Variants in OTUD7B observed in about 807,000 individuals in gnomAD.
OTUD7B encodes OTU deubiquitinase 7B, also known as OTU domain-containing protein 7B.
Under a neutral mutation model 82.2 loss-of-function variants are expected in OTUD7B, and 34 were observed. The ratio of observed to expected loss-of-function variants is 0.41; its 90% confidence interval spans 0.31 to 0.55. OTUD7B has a LOEUF of 0.55. OTUD7B is among the 20% of genes least tolerant of loss of function. The probability of loss-of-function intolerance (pLI) is 0.20; values close to 1 mark genes in which losing one functional copy is unlikely to be tolerated. For missense variants in OTUD7B, 944 were observed against 1,062.1 expected, an observed-to-expected ratio of 0.89 and a Z score of 1.55; for synonymous variants, 398 against 402.7, an observed-to-expected ratio of 0.99 and a Z score of 0.14.
At chr1:150,058,949 C>T in the OTUD7B span, among the ~76,000 whole-genome samples, 2 of 151,792 alleles carry the variant, frequency 1.3e-5, no homozygotes, top group Non-Finnish European at 2.9e-5. Flanking sequence ...ACAAAATATA[C>T]CAAATCTGTG....
chr1:150,026,693 C>T, the OTUD7B span, among the ~76,000 whole-genome samples: 6 of 151,958 alleles, frequency 3.9e-5, no homozygotes, highest in East Asian at 1.9e-4. Context: ...AGTTGAGATA[C>T]GGTGACAGCA....
upstream of OTUD7B, among the ~76,000 whole-genome samples, chr1:150,011,099 ACT>A (rs201176722): frequency 5.7e-3 from 871 of 152,212 alleles, 6 homozygotes; most frequent in African/African-American, 0.019. Flanking sequence ...CATTCTAGTA[ACT>A]CTACACAATC....
the OTUD7B span, among the ~76,000 whole-genome samples, chr1:150,023,559 C>T: frequency 1.3e-5 from 2 of 152,070 alleles, no homozygotes; most frequent in Non-Finnish European, 2.9e-5. Flanking sequence ...TATAATCTCA[C>T]TTATATGTGG....
At chr1:150,063,846 G>A in the OTUD7B span, among the ~76,000 whole-genome samples, 1 of 152,142 alleles carries the variant, frequency 6.6e-6, no homozygotes, top group Non-Finnish European at 1.5e-5. Context: ...TTGATTTGAG[G>A]CTGCGTAGAC....
the OTUD7B span, among the ~76,000 whole-genome samples, chr1:150,021,984 C>T: frequency 0.1 from 15,650 of 152,122 alleles, 1,021 homozygotes; most frequent in African/African-American, 0.18. Flanking sequence ...CTAAACTCTC[C>T]CTTTCTCTCT....
At chr1:150,007,485 T>C (rs1239937124) in intron 1 of OTUD7B, among the ~76,000 whole-genome samples, 1 of 152,216 alleles carries the variant, frequency 6.6e-6, no homozygotes, top group Non-Finnish European at 1.5e-5. Flanking sequence ...CTTTTGTCTA[T>C]ATGTTGTTTC....
Position 149,939,380 on chromosome 1 carries a change from C to T in OTUD7B, c.*4477G>A, listed in dbSNP as rs2092747660. On this transcript the variant is annotated 3_prime_UTR_variant, in exon 12 of 12. Coordinates refer to ENST00000581312, the MANE Select transcript of OTUD7B (RefSeq NM_020205.4). The stretch of plus-strand genomic sequence containing the variant: ...CAAGAGATGGCACAGAGAAAGTCTA[C>T]ATGGGGACATCGTAATATTTTGTTA... The T allele has an allele frequency of 6.6e-6, 1 of 152,218 alleles. No individual in the cohort carries two copies. The highest frequency in any genetic ancestry group is 6.5e-5 in the Admixed American group (1 of 15,282). 9.4% of individuals were successfully genotyped at this position (152,218 alleles called of 1,614,324 possible). A position where few individuals can be genotyped will look rare whatever the true frequency, so the allele number is the denominator to read the frequency against.
intron 1 of OTUD7B, among the ~76,000 whole-genome samples, chr1:150,003,233 G>C (rs1248187426): frequency 2.9e-5 from 4 of 139,250 alleles, no homozygotes; most frequent in Non-Finnish European, 4.6e-5. Flanking sequence ...CTGGGTGACA[G>C]AGCAAGACTC....
rs370419766 is a variant in OTUD7B at position 149,944,011 on chromosome 1, C to T, written c.2378G>A (p.Arg793Gln). 2.0e-4 allele frequency: 327 copies of T among 1,614,078 alleles called. No homozygotes were observed. Among genetic ancestry groups the T allele is most frequent in the Non-Finnish European group, 2.5e-4 (294 of 1,180,038 alleles). Residue 793 changes from arginine to glutamine, a missense_variant, in exon 12 of 12, where the codon CGG becomes CAG. This residue lies in a region of OTUD7B where 412 missense variants were observed against 418.7 expected (regional missense o/e 0.98). Transcript: ENST00000581312. ...TTTGGTCTGAGTTGGGGGAAGGCCC[C>T]GGAGACCTCCAGCCCATCCATCTGG... ...PEPDGWAGGL[R>Q]GLPPTQTKCK...
the OTUD7B span, chr1:150,053,717 A>G: frequency 6.0e-6 from 1 of 166,958 alleles, no homozygotes; most frequent in Admixed American, 6.4e-5. Flanking sequence ...TTCCAAAAGA[A>G]GGCATATATG....
chr1:149,943,841 T>TAAA lies in OTUD7B; in HGVS notation c.*15_*16insTTT, dbSNP rs781888285. The TAAA allele has an allele frequency of 1.9e-6, 3 of 1,611,352 alleles. No individual in the cohort carries two copies. Among genetic ancestry groups the TAAA allele is most frequent in the Non-Finnish European group, 2.5e-6 (3 of 1,178,188 alleles). On this transcript the variant is annotated 3_prime_UTR_variant, in exon 12 of 12. Transcript: ENST00000581312. The stretch of plus-strand genomic sequence containing the variant: ...TAACTTTGTTTAGCCTCCTTGCCCT[T>TAAA]CAGTGTTCCACCCGTTCAGAACCTG...
chr1:150,008,831 A>G (rs1037697330), intron 1 of OTUD7B, among the ~76,000 whole-genome samples: 1 of 152,188 alleles, frequency 6.6e-6, no homozygotes, highest in East Asian at 1.9e-4. Flanking sequence ...TTACCTTCTT[A>G]ATTATTCCTA....
chr1:149,961,855 C>T (rs782507406), intron 6 of OTUD7B: 2 of 152,122 alleles, frequency 1.3e-5, no homozygotes, highest in African/African-American at 4.8e-5. Context: ...GGCAATGGTA[C>T]AAGCAATTTT....
At chr1:150,016,169 A>T in the OTUD7B span, among the ~76,000 whole-genome samples, 1 of 152,174 alleles carries the variant, frequency 6.6e-6, no homozygotes, top group African/African-American at 2.4e-5. Flanking sequence ...TTTTTGAGCC[A>T]TTTCAAATTT....
chr1:150,049,131 C>T, the OTUD7B span, among the ~76,000 whole-genome samples: 8 of 152,192 alleles, frequency 5.3e-5, no homozygotes, highest in Non-Finnish European at 1.2e-4. Flanking sequence ...AGCCACCATG[C>T]CCCGTCTACT....
intron 7 of OTUD7B, among the ~76,000 whole-genome samples, chr1:149,956,825 T>A (rs1271532581): frequency 7.9e-5 from 12 of 152,374 alleles, no homozygotes; most frequent in African/African-American, 2.4e-4. Context: ...CTTGATTGAA[T>A]CAGCTACTGA....
the OTUD7B span, among the ~76,000 whole-genome samples, chr1:150,032,519 T>C: frequency 6.8e-6 from 1 of 147,054 alleles, no homozygotes; most frequent in Non-Finnish European, 1.5e-5. Flanking sequence ...CCTGTAGTCC[T>C]AGCTACTTGG....
At chr1:149,981,395 C>A (rs987513683) in intron 1 of OTUD7B, among the ~76,000 whole-genome samples, 6 of 152,194 alleles carry the variant, frequency 3.9e-5, no homozygotes, top group African/African-American at 1.2e-4. Flanking sequence ...TACTGGACAG[C>A]TTTAACTGTT....
At chr1:149,993,190 C>T (rs6700399) in intron 1 of OTUD7B, among the ~76,000 whole-genome samples, 3,197 of 152,218 alleles carry the variant, frequency 0.021, 91 homozygotes, top group African/African-American at 0.07. Flanking sequence ...GCAATAACTT[C>T]CCTCACATTC....
Sources: allele counts gnomAD v4.1 joint callset (sites outside exome capture counted in the v4.1 genomes callset), GRCh38; gene constraint gnomAD v4.1.1; regional missense constraint gnomAD v4.1.1; transcripts MANE v1.5; gene names NCBI Gene and HGNC (gene_info 2026-07-23, HGNC 2026-07-21).